RYR2: variants seen among roughly 807,000 people sequenced by gnomAD.
The protein encoded by RYR2 is cardiac muscle ryanodine receptor-calcium release channel.
Under a neutral mutation model 601.1 loss-of-function variants are expected in RYR2, and 227 were observed. The observed-to-expected ratio is 0.38, with a 90% confidence interval of 0.34 to 0.42. The LOEUF (loss-of-function observed/expected upper bound fraction) is 0.42. Among genes scored for constraint, RYR2 ranks in the 10% least tolerant of loss-of-function variants. The pLI is 1.00. For synonymous variants in RYR2, 2,223 were observed against 2,175.1 expected, an observed-to-expected ratio of 1.02 and a Z score of -0.61; for missense variants, 4,646 against 6,156.5, an observed-to-expected ratio of 0.75 and a Z score of 8.21.
chr1:237,738,353 A>G (rs1371542702), intron 79 of RYR2, among the ~76,000 whole-genome samples: 1 of 152,138 alleles, frequency 6.6e-6, no homozygotes, highest in Non-Finnish European at 1.5e-5. Flanking sequence ...AGTCATTTCT[A>G]ATAATGTAGT....
At chr1:237,593,667 A>C (rs895724411) in intron 33 of RYR2, 31 bp downstream of exon 33, 2 of 1,610,752 alleles carry the variant, frequency 1.2e-6, no homozygotes, top group Non-Finnish European at 8.5e-7. Flanking sequence ...TGCAAGAATG[A>C]CATGTGAAAA....
At chr1:237,708,598 A>G (rs1224682099) in intron 68 of RYR2, among the ~76,000 whole-genome samples, 1 of 152,196 alleles carries the variant, frequency 6.6e-6, no homozygotes, top group African/African-American at 2.4e-5. Context: ...AATGAGTGAA[A>G]GTCTTTTTTT....
At chr1:237,700,687 G>A (rs1210609272) in intron 65 of RYR2, among the ~76,000 whole-genome samples, 1 of 152,056 alleles carries the variant, frequency 6.6e-6, no homozygotes, top group Admixed American at 6.6e-5. Flanking sequence ...GGACCAGTAA[G>A]GTACTGGTTA....
At chr1:237,484,913 C>G (rs900126267) in intron 17 of RYR2, among the ~76,000 whole-genome samples, 2 of 151,728 alleles carry the variant, frequency 1.3e-5, no homozygotes, top group Admixed American at 6.6e-5. Context: ...TGGAGATTTT[C>G]CTTTCTCGGG....
chr1:237,484,884 A>G (rs570774193), intron 17 of RYR2, among the ~76,000 whole-genome samples: 2 of 152,192 alleles, frequency 1.3e-5, no homozygotes, highest in African/African-American at 4.8e-5. Flanking sequence ...AGTTATTTCT[A>G]GACATTTAGT....
intron 3 of RYR2, among the ~76,000 whole-genome samples, chr1:237,348,609 G>T (rs1049012387): frequency 6.6e-6 from 1 of 152,230 alleles, no homozygotes; most frequent in South Asian, 2.1e-4. Flanking sequence ...TCATCTAGCT[G>T]CCAGCCGTAG....
In RYR2 at chr1:237,610,028, A is replaced by G. The variant is rs548622260; in HGVS notation, c.4684-734A>G. ...AGTTGAGGGGGCTCTAGAGGAGAAG[A>G]AGAGATAGAAGATAATGCAGAAATA... On this transcript the variant is annotated intron_variant, in intron 35 of 104. Coordinates refer to ENST00000366574, the MANE Select transcript of RYR2 (RefSeq NM_001035.3). This position sits in a 1 kb window ranked among gnomAD's most constrained non-coding sequence, Gnocchi z 4.9. Among the ~76,000 whole-genome samples, 1 of 152,254 alleles carries G rather than the reference A, an allele frequency of 6.6e-6. No homozygotes were observed. The highest frequency in any genetic ancestry group is 1.9e-4 in the East Asian group (1 of 5,154).
chr1:237,545,436 G>A (rs527561145), intron 25 of RYR2, among the ~76,000 whole-genome samples: 16 of 152,240 alleles, frequency 1.1e-4, no homozygotes, highest in Middle Eastern at 3.4e-3. Context: ...CCTCATTAGG[G>A]TAGCAATGGC....
intron 5 of RYR2, among the ~76,000 whole-genome samples, chr1:237,368,654 C>G (rs1261235705): frequency 6.6e-6 from 1 of 152,066 alleles, no homozygotes; most frequent in East Asian, 1.9e-4. Flanking sequence ...TACAAGCTCT[C>G]CAATTTAAGA....
intron 1 of RYR2, among the ~76,000 whole-genome samples, chr1:237,161,421 A>G (rs369390940): frequency 3.9e-5 from 6 of 152,294 alleles, no homozygotes; most frequent in East Asian, 3.9e-4. Context: ...TAATGGAAAT[A>G]CTTTATAGTT....
intron 1 of RYR2, among the ~76,000 whole-genome samples, chr1:237,090,490 A>G (rs1352187582): frequency 1.3e-5 from 2 of 152,162 alleles, no homozygotes; most frequent in Non-Finnish European, 2.9e-5. Context: ...GCCAGGAACC[A>G]ACAGATTTTC....
chr1:237,156,780 C>T (rs1675388066), intron 1 of RYR2, among the ~76,000 whole-genome samples: 1 of 152,192 alleles, frequency 6.6e-6, no homozygotes, highest in Non-Finnish European at 1.5e-5. Flanking sequence ...TCACATTTAG[C>T]TGTGTAACCT....
chr1:237,198,702 T>C (rs924316287), intron 1 of RYR2, among the ~76,000 whole-genome samples: 1 of 152,184 alleles, frequency 6.6e-6, no homozygotes, highest in East Asian at 1.9e-4. Context: ...ATCTTCCCAT[T>C]GGATTCAGCA....
chr1:237,405,737 T>A (rs1319533374), intron 10 of RYR2, among the ~76,000 whole-genome samples: 1 of 151,924 alleles, frequency 6.6e-6, no homozygotes, highest in Non-Finnish European at 1.5e-5. Context: ...CTATTAGACT[T>A]GTTTCTCTTG....
intron 24 of RYR2, among the ~76,000 whole-genome samples, chr1:237,523,562 C>T (rs1667291199): frequency 6.6e-6 from 1 of 152,006 alleles, no homozygotes; most frequent in African/African-American, 2.4e-5. Context: ...TGGTGAAACT[C>T]CATCTCTACT....
At chr1:237,263,342 A>G (rs1263542848) in intron 1 of RYR2, among the ~76,000 whole-genome samples, 1 of 152,220 alleles carries the variant, frequency 6.6e-6, no homozygotes, top group Non-Finnish European at 1.5e-5. Flanking sequence ...AGTTCATAAC[A>G]TTTGCAGGCA....
chr1:237,590,528 A>G, intron 30 of RYR2, 112 bp from the exon 31 acceptor site: 3 of 749,828 alleles, frequency 4.0e-6, no homozygotes, highest in Non-Finnish European at 6.4e-6. Flanking sequence ...AAATGATGCC[A>G]TGTGTGGACC....
chr1:237,601,268 C>A (rs182380822), intron 34 of RYR2, among the ~76,000 whole-genome samples: 5 of 152,164 alleles, frequency 3.3e-5, no homozygotes, highest in Admixed American at 3.3e-4. Context: ...AAAATGAGAA[C>A]CTGTCATTCG....
At chr1:237,081,270 T>TA (rs1246703813) in intron 1 of RYR2, among the ~76,000 whole-genome samples, 2 of 89,162 alleles carry the variant, frequency 2.2e-5, no homozygotes, top group Admixed American at 1.4e-4. Flanking sequence ...CCCTAAAACT[T>TA]AGAGTATAAT....
Sources: gnomAD v4.1 joint callset for allele counts (sites outside exome capture counted in the v4.1 genomes callset) on GRCh38, gnomAD v4.1.1 for gene constraint, Gnocchi (gnomAD v3.1) non-coding constraint, MANE v1.5 for transcripts, NCBI Gene and HGNC (gene_info 2026-07-23, HGNC 2026-07-21) for gene names.